Variants in RIPK1 observed in about 807,000 individuals in gnomAD.
The protein encoded by RIPK1 is receptor interacting serine/threonine kinase 1.
In RIPK1, 27 loss-of-function variants were observed where a neutral mutation model predicts 62.4. The observed-to-expected ratio is 0.43, with a 90% confidence interval of 0.32 to 0.60. The LOEUF is 0.60. RIPK1 is among the 20% of genes least tolerant of loss of function. The pLI is 0.07. For missense variants in RIPK1, 735 were observed against 831.0 expected, an observed-to-expected ratio of 0.88 and a Z score of 1.42; for synonymous variants, 287 against 303.2, an observed-to-expected ratio of 0.95 and a Z score of 0.55.
intron 6 of RIPK1, among the ~76,000 whole-genome samples, chr6:3,087,474 G>C (rs1222247449): frequency 6.7e-6 from 1 of 148,798 alleles, no homozygotes; most frequent in African/African-American, 2.5e-5. Flanking sequence ...CTCTTATTCA[G>C]ACTGGGTAAG....
At chr6:3,084,779 A>G (rs1461995061) in intron 5 of RIPK1, among the ~76,000 whole-genome samples, 1 of 151,796 alleles carries the variant, frequency 6.6e-6, no homozygotes, top group African/African-American at 2.4e-5. Flanking sequence ...TTTTTAGTAG[A>G]GACGGGGTTT....
chr6:3,084,117 C>A (rs1581398055), intron 5 of RIPK1, among the ~76,000 whole-genome samples: 2 of 152,132 alleles, frequency 1.3e-5, no homozygotes, highest in East Asian at 3.8e-4. Context: ...ATCTGCAACC[C>A]ATCTGCCTTT....
intron 4 of RIPK1, among the ~76,000 whole-genome samples, chr6:3,081,874 A>T (rs1254735230): frequency 8.1e-6 from 1 of 123,504 alleles, no homozygotes. Context: ...AAAAAAAAAA[A>T]AAAAAAAAAA....
intron 8 of RIPK1, 42 bp downstream of exon 8, chr6:3,104,357 G>T (rs777276268): frequency 1.1e-5 from 12 of 1,085,910 alleles, no homozygotes; most frequent in Admixed American, 8.8e-5. Context: ...TTATTTGTTT[G>T]GTTACTCATT....
At position 3,083,458 on chromosome 6, in the gene RIPK1, G is replaced by A. The variant is rs17548356; in HGVS notation, c.688+145G>A. ...TGATCATAGGATGAATAGGAACCTCGATAGTGTGTCATTAGCTGGAGAGGT... is the reference window on the plus strand; with the variant it reads ...TGATCATAGGATGAATAGGAACCTCAATAGTGTGTCATTAGCTGGAGAGGT... On this transcript the variant is annotated intron_variant, in intron 5 of 10. Transcript: ENST00000259808. 405 of 671,250 alleles carry A rather than the reference G, an allele frequency of 6.0e-4. No individual in the cohort carries two copies. In the African/African-American group the frequency reaches 6.9e-3, roughly 11 times the overall value. The allele number at this position is 671,250 out of a possible 1,614,324, so 41.6% of individuals were successfully genotyped here.
At chr6:3,090,216 G>A (rs1479078733) in intron 7 of RIPK1, among the ~76,000 whole-genome samples, 3 of 152,096 alleles carry the variant, frequency 2.0e-5, no homozygotes, top group African/African-American at 4.8e-5. Context: ...CTGAAGCAAG[G>A]AGGTGGTTTC....
In RIPK1 at chr6:3,110,961, A is replaced by T; in HGVS notation, c.1729+6A>T. ...TAAGTACCAAGCTATCTTTGGTAAGATACCCTGGAAGGACTCAACGCCTAG... is the reference window on the plus strand; with the variant it reads ...TAAGTACCAAGCTATCTTTGGTAAGTTACCCTGGAAGGACTCAACGCCTAG... On this transcript the variant is annotated splice_donor_region_variant and intron_variant, in intron 10 of 10. Coordinates refer to ENST00000259808, the MANE Select transcript of RIPK1 (RefSeq NM_001354930.2). 1 of 1,607,166 alleles carries T rather than the reference A, an allele frequency of 6.2e-7. No individual in the cohort carries two copies. Among genetic ancestry groups the T allele is most frequent in the Non-Finnish European group, 8.5e-7 (1 of 1,176,752 alleles).
At chr6:3,070,504 C>T (rs1164881102) in intron 1 of RIPK1, among the ~76,000 whole-genome samples, 3 of 152,196 alleles carry the variant, frequency 2.0e-5, no homozygotes, top group African/African-American at 4.8e-5. Context: ...GTGGCGCGAT[C>T]GCGGCTTAAT....
chr6:3,087,308 A>G (rs1194678782), intron 6 of RIPK1, among the ~76,000 whole-genome samples: 1 of 152,082 alleles, frequency 6.6e-6, no homozygotes, highest in African/African-American at 2.4e-5. Flanking sequence ...TTCTGTAAGT[A>G]CTTTTTAACC....
intron 3 of RIPK1, 101 bp downstream of exon 3, chr6:3,078,036 T>C: frequency 8.2e-7 from 1 of 1,226,156 alleles, no homozygotes; most frequent in Non-Finnish European, 1.1e-6. Flanking sequence ...TAGCATCAAA[T>C]TTGCAAATTG....
chr6:3,086,442 A>G lies in RIPK1; in HGVS notation c.838+1034A>G, dbSNP rs144955729. Among the ~76,000 whole-genome samples, 63 of 152,346 alleles carry G rather than the reference A, an allele frequency of 4.1e-4. No individual in the cohort carries two copies. The East Asian group carries it at 0.012, about 29-fold the overall frequency. ...TGCAGGTTCTTGTATCCTCACCAGCATGGGGTACCCAGGCTCCTCACACTT... is the reference window on the plus strand; with the variant it reads ...TGCAGGTTCTTGTATCCTCACCAGCGTGGGGTACCCAGGCTCCTCACACTT... On this transcript the variant is annotated intron_variant, in intron 6 of 10. Coordinates refer to ENST00000259808, the MANE Select transcript of RIPK1 (RefSeq NM_001354930.2).
chr6:3,086,078 TTA>T (rs1759675319), intron 6 of RIPK1, among the ~76,000 whole-genome samples: 1 of 12,432 alleles, frequency 8.0e-5, no homozygotes, highest in Non-Finnish European at 9.1e-3. Flanking sequence ...GCTGGCATCT[TTA>T]GAAAGTATTT....
intron 7 of RIPK1, among the ~76,000 whole-genome samples, chr6:3,095,894 G>T (rs1432109516): frequency 2.7e-5 from 4 of 150,860 alleles, no homozygotes; most frequent in Non-Finnish European, 5.9e-5. Flanking sequence ...GCCTAGGCTG[G>T]AGTGCAGTGG....
At chr6:3,085,084 ATTG>A (rs1356177985) in intron 5 of RIPK1, among the ~76,000 whole-genome samples, 172 bp from the exon 6 acceptor site, 2 of 152,142 alleles carry the variant, frequency 1.3e-5, no homozygotes, top group Non-Finnish European at 2.9e-5. Context: ...ACATTAAGAT[ATTG>A]TTTGGTCATC....
chr6:3,064,124 T>G (rs945628098), upstream of RIPK1: 5 of 151,850 alleles, frequency 3.3e-5, no homozygotes, highest in African/African-American at 1.2e-4. Flanking sequence ...GTCCACCGGC[T>G]GCCACCGAAA....
At chr6:3,107,847 C>T (rs1230628941) in intron 9 of RIPK1, among the ~76,000 whole-genome samples, 2 of 152,092 alleles carry the variant, frequency 1.3e-5, no homozygotes, top group Non-Finnish European at 2.9e-5. Context: ...TACAGGGATG[C>T]AGCTTCTTCA....
At chr6:3,077,068 G>T in intron 2 of RIPK1, 81 bp downstream of exon 2, 5 of 1,371,070 alleles carry the variant, frequency 3.6e-6, no homozygotes, top group Non-Finnish European at 4.9e-6. Flanking sequence ...TGGCTGCTGC[G>T]GAGCCGTTGG....
chr6:3,102,456 C>T (rs1760627542), intron 7 of RIPK1, among the ~76,000 whole-genome samples: 3 of 152,184 alleles, frequency 2.0e-5, no homozygotes, highest in African/African-American at 7.2e-5. Context: ...AAATTGGAAA[C>T]AATCCAAAAT....
chr6:3,078,952 G>A (rs1255179244), intron 3 of RIPK1, among the ~76,000 whole-genome samples: 1 of 151,428 alleles, frequency 6.6e-6, no homozygotes, highest in Non-Finnish European at 1.5e-5. Flanking sequence ...TCACTGTGTT[G>A]CCCAGGCTGG....
Sources: allele counts gnomAD v4.1 joint callset (sites outside exome capture counted in the v4.1 genomes callset), GRCh38; gene constraint gnomAD v4.1.1; transcripts MANE v1.5; gene names NCBI Gene and HGNC (gene_info 2026-07-23, HGNC 2026-07-21).